Variants in FOCAD observed in about 807,000 individuals in gnomAD.
FOCAD encodes the protein focadhesin.
A neutral mutation model predicts 225.6 loss-of-function variants in FOCAD; 198 were observed. The ratio of observed to expected loss-of-function variants is 0.88; its 90% CI spans 0.78 to 0.99. The LOEUF is 0.99. FOCAD is among the 50% of genes least tolerant of loss of function. FOCAD has a pLI of 0.00. For missense variants in FOCAD, 2,713 were observed against 2,123.6 expected, an observed-to-expected ratio of 1.28 and a Z score of -5.46; for synonymous variants, 897 against 755.0, an observed-to-expected ratio of 1.19 and a Z score of -3.08.
chr9:20,781,055 T>G (rs917741792), intron 9 of FOCAD, among the ~76,000 whole-genome samples: 2 of 152,242 alleles, frequency 1.3e-5, no homozygotes, highest in Non-Finnish European at 2.9e-5. Flanking sequence ...TCAGGGTTAA[T>G]TACATCACTT....
chr9:20,946,510 T>C (rs558796884), intron 29 of FOCAD, among the ~76,000 whole-genome samples, 191 bp from the exon 30 acceptor site: 7 of 152,300 alleles, frequency 4.6e-5, no homozygotes, highest in African/African-American at 1.4e-4. Context: ...GGAATAATCA[T>C]ACCCATCATG....
intron 2 of FOCAD, among the ~76,000 whole-genome samples, chr9:20,678,378 T>TA (rs1407111239): frequency 1.3e-5 from 2 of 152,304 alleles, no homozygotes; most frequent in Admixed American, 1.3e-4. Flanking sequence ...AGCCAAGCTT[T>TA]AAGCTGACTG....
At chr9:20,891,913 G>A (rs1322416421) in intron 21 of FOCAD, among the ~76,000 whole-genome samples, 1 of 152,184 alleles carries the variant, frequency 6.6e-6, no homozygotes, top group East Asian at 1.9e-4. Flanking sequence ...TGAAGGACAG[G>A]CTGGCTGTCT....
chr9:20,807,509 T>A (rs1822585137), intron 11 of FOCAD, among the ~76,000 whole-genome samples: 1 of 152,222 alleles, frequency 6.6e-6, no homozygotes, highest in African/African-American at 2.4e-5. Context: ...TAACCCAGTA[T>A]ATCTGAAGTA....
chr9:20,895,100 T>C (rs1587534445), intron 21 of FOCAD, among the ~76,000 whole-genome samples: 1 of 152,078 alleles, frequency 6.6e-6, no homozygotes, highest in Non-Finnish European at 1.5e-5. Context: ...CTCCATTGTT[T>C]GACTCATTCT....
intron 1 of FOCAD, among the ~76,000 whole-genome samples, chr9:20,712,149 A>G (rs902143290): frequency 2.6e-5 from 4 of 152,164 alleles, no homozygotes; most frequent in Non-Finnish European, 5.9e-5. Flanking sequence ...CCTGTATTCG[A>G]CTTTCTACGA....
intron 4 of FOCAD, chr9:20,726,429 CT>C (rs1025560688): frequency 1.3e-5 from 2 of 152,154 alleles, no homozygotes; most frequent in African/African-American, 4.8e-5. Flanking sequence ...TCTTAATGTG[CT>C]TGGTAAGAAG....
chr9:20,820,044 A>G, intron 12 of FOCAD, 144 bp downstream of exon 12: 1 of 525,628 alleles, frequency 1.9e-6, no homozygotes. Context: ...ATATCTAAAG[A>G]CAAAAGTATT....
chr9:20,797,793 C>G (rs1006436968), intron 11 of FOCAD, among the ~76,000 whole-genome samples: 2 of 152,202 alleles, frequency 1.3e-5, no homozygotes. Flanking sequence ...CATCTGCAAA[C>G]AGGGACCATT....
chr9:20,924,205 A>G (rs1224523541), intron 25 of FOCAD, among the ~76,000 whole-genome samples: 1 of 152,218 alleles, frequency 6.6e-6, no homozygotes, highest in East Asian at 1.9e-4. Flanking sequence ...TTAATTAAAC[A>G]TGTGGTGAGC....
chr9:20,988,393 C>G lies in FOCAD; in HGVS notation c.4968C>G (p.Tyr1656Ter). 6.2e-7 allele frequency: 1 copy of G among 1,610,324 alleles called. No homozygotes were observed. Among genetic ancestry groups the G allele is most frequent in the Non-Finnish European group, 8.5e-7 (1 of 1,177,416 alleles). ...ELMGYIRNVAYQSTSFHNTAL... is the reference protein window; with the variant it reads ...ELMGYIRNVA ...TGGGTTATATTAGAAATGTTGCTTACCAGTCAACATCCTTTCACAATACGG... is the reference window on the plus strand; with the variant it reads ...TGGGTTATATTAGAAATGTTGCTTAGCAGTCAACATCCTTTCACAATACGG... Residue 1656 changes from tyrosine to a stop codon, truncating the protein, a stop_gained, in exon 41 of 44, where the codon TAC becomes TAG. Transcript: ENST00000338382. LOFTEE classifies it high-confidence loss of function.
At chr9:20,658,652 G>GCT (rs1821602793) in intron 1 of FOCAD, 2 of 155,108 alleles carry the variant, frequency 1.3e-5, no homozygotes, top group Non-Finnish European at 2.8e-5. Flanking sequence ...CACGGTGCAT[G>GCT]CACCCACTGA....
In FOCAD at chr9:20,796,956, A is replaced by T. The variant is rs190295672; in HGVS notation, c.1455+7348A>T. Among the ~76,000 whole-genome samples the T allele has an allele frequency of 6.8e-3, 1,041 of 152,240 alleles. 14 individuals are homozygous for T. Among genetic ancestry groups the T allele is most frequent in the African/African-American group, 0.022 (895 of 41,548 alleles). On this transcript the variant is annotated intron_variant, in intron 11 of 43. Coordinates refer to ENST00000338382, the MANE Select transcript of FOCAD (RefSeq NM_001375567.1). ...GGGTTTTTATGGTTTTAGGTCTAAC[A>T]TTTAAGTCTTTAATCCATCTAGAAT...
At chr9:20,797,579 A>G (rs1251248308) in intron 11 of FOCAD, among the ~76,000 whole-genome samples, 1 of 152,164 alleles carries the variant, frequency 6.6e-6, no homozygotes. Flanking sequence ...CTTTGAAGCA[A>G]TTATGAATGG....
chr9:20,940,154 A>G (rs1405369087), intron 28 of FOCAD, among the ~76,000 whole-genome samples: 2 of 152,078 alleles, frequency 1.3e-5, no homozygotes, highest in Non-Finnish European at 2.9e-5. Flanking sequence ...GTTAGAGCCC[A>G]ATTAAAAGCT....
chr9:20,985,037 G>C (rs774803435), intron 39 of FOCAD, among the ~76,000 whole-genome samples: 24 of 152,144 alleles, frequency 1.6e-4, no homozygotes, highest in Admixed American at 1.4e-3. Flanking sequence ...CTGGCCTCAA[G>C]GTGATCCTCC....
intron 35 of FOCAD, among the ~76,000 whole-genome samples, chr9:20,969,802 AG>A (rs1323027054): frequency 1.3e-5 from 2 of 151,488 alleles, no homozygotes; most frequent in African/African-American, 4.8e-5. Context: ...TTCTTTGTAT[AG>A]CTTCAAATTA....
At chr9:20,923,878 G>A in intron 25 of FOCAD, 110 bp downstream of exon 25, 1 of 776,376 alleles carries the variant, frequency 1.3e-6, no homozygotes, top group Non-Finnish European at 2.2e-6. Flanking sequence ...ATGGCACCAA[G>A]TTATAGTACT....
chr9:20,851,826 A>G (rs1587400110), intron 15 of FOCAD, among the ~76,000 whole-genome samples: 2 of 151,880 alleles, frequency 1.3e-5, no homozygotes, highest in Non-Finnish European at 2.9e-5. Context: ...GACTCTTCCA[A>G]TCCAGCCCAC....
Sources: allele counts gnomAD v4.1 joint callset (sites outside exome capture counted in the v4.1 genomes callset), GRCh38; gene constraint gnomAD v4.1.1; transcripts MANE v1.5; gene names NCBI Gene and HGNC (gene_info 2026-07-23, HGNC 2026-07-21).